FARP1: variants seen among roughly 807,000 people sequenced by gnomAD.
FARP1 encodes the protein FERM, ARH/RhoGEF and pleckstrin domain protein 1, also known as FERM, ARHGEF and pleckstrin domain-containing protein 1.
A neutral mutation model predicts 128.8 loss-of-function variants in FARP1; 52 were observed. That is an observed-to-expected ratio of 0.40 (90% CI 0.32 to 0.51). FARP1 has a LOEUF of 0.51. FARP1 is among the 20% of genes least tolerant of loss of function. The probability of loss-of-function intolerance (pLI) is 0.45; values close to 1 mark genes in which losing one functional copy is unlikely to be tolerated. For missense variants in FARP1, 1,333 were observed against 1,367.9 expected (o/e 0.97, Z 0.40); for synonymous variants, 580 against 551.8 (o/e 1.05, Z -0.72).
intron 2 of FARP1, among the ~76,000 whole-genome samples, chr13:98,229,653 G>T (rs1192510232): frequency 6.7e-6 from 1 of 149,366 alleles, no homozygotes; most frequent in Non-Finnish European, 1.5e-5. Context: ...CTCCACCAGC[G>T]AATTTTTAGA....
chr13:98,261,392 C>T (rs1431855291), intron 2 of FARP1, among the ~76,000 whole-genome samples: 6 of 152,226 alleles, frequency 3.9e-5, no homozygotes, highest in Admixed American at 6.5e-5. Context: ...TGTCCGTTCA[C>T]CTTGACCTCC....
In FARP1 at chr13:98,176,844, G is replaced by T; in HGVS notation, c.-24+33352G>T. 1 of 1,611,698 alleles carries T rather than the reference G, an allele frequency of 6.2e-7. No individual in the cohort carries two copies. Among genetic ancestry groups the T allele is most frequent in the Non-Finnish European group, 8.5e-7 (1 of 1,179,968 alleles). On this transcript the variant is annotated intron_variant, in intron 1 of 26. Coordinates refer to ENST00000319562, the MANE Select transcript of FARP1 (RefSeq NM_005766.4). The surrounding 1 kb of genome is among the most constrained non-coding windows in gnomAD (Gnocchi z 6.2). ...CCCGCAGTGCCTCCTGGACCCGCTGGCTGCACTTGAGGATGGTCGGCGTAT... is the reference window on the plus strand; with the variant it reads ...CCCGCAGTGCCTCCTGGACCCGCTGTCTGCACTTGAGGATGGTCGGCGTAT...
intron 1 of FARP1, among the ~76,000 whole-genome samples, chr13:98,210,753 G>A (rs561687213): frequency 3.5e-4 from 53 of 152,062 alleles, no homozygotes; most frequent in Non-Finnish European, 5.3e-4. Flanking sequence ...GTTTCACCAT[G>A]TTAGCCAGGA....
Position 98,452,332 on chromosome 13 carries a change from G to A in FARP1, c.*4015G>A, listed in dbSNP as rs1191142917. On this transcript the variant is annotated 3_prime_UTR_variant, in exon 27 of 27. Transcript: ENST00000319562. ...CAAATGTCAGACGAGAGCGCTTCAT[G>A]GGGAGAAACTGAAAATTATAATTTA... 6.6e-6 allele frequency: 1 copy of A among 152,524 alleles called. No individual in the cohort carries two copies. The highest frequency in any genetic ancestry group is 1.5e-5 in the Non-Finnish European group (1 of 68,012). 9.4% of individuals were successfully genotyped at this position (152,524 alleles called of 1,614,324 possible). A position where few individuals can be genotyped will look rare whatever the true frequency, so the allele number is the denominator to read the frequency against.
At chr13:98,156,699 C>T (rs568809576) in intron 1 of FARP1, among the ~76,000 whole-genome samples, 40 of 152,064 alleles carry the variant, frequency 2.6e-4, no homozygotes, top group African/African-American at 8.9e-4. Flanking sequence ...GTACCTGGCC[C>T]CCATTATAAT....
chr13:98,240,211 C>T (rs920203726), intron 2 of FARP1, among the ~76,000 whole-genome samples: 7 of 152,168 alleles, frequency 4.6e-5, no homozygotes, highest in Non-Finnish European at 7.3e-5. Flanking sequence ...TCAGGGTAGA[C>T]GCACGTTTTT....
intron 1 of FARP1, among the ~76,000 whole-genome samples, chr13:98,145,861 C>A (rs1244542276): frequency 1.8e-3 from 241 of 131,150 alleles, no homozygotes; most frequent in African/African-American, 3.4e-3. Context: ...GACTCTGTCT[C>A]AAAAAAAAAA....
chr13:98,442,319 G>C (rs1892557882), intron 24 of FARP1, among the ~76,000 whole-genome samples: 1 of 152,240 alleles, frequency 6.6e-6, no homozygotes, highest in Non-Finnish European at 1.5e-5. Context: ...TCTCGAGAGA[G>C]TCTCGGAATT....
chr13:98,252,138 G>T (rs144390332), intron 2 of FARP1, among the ~76,000 whole-genome samples: 1 of 152,106 alleles, frequency 6.6e-6, no homozygotes, highest in Admixed American at 6.5e-5. Context: ...GTGAGCCACC[G>T]TGCCCACCTA....
chr13:98,434,808 A>G (rs146923911), intron 18 of FARP1: 5,644 of 152,360 alleles, frequency 0.037, 135 homozygotes, highest in Non-Finnish European at 0.054. Flanking sequence ...CAGCCTAACC[A>G]ACATGGTGAA....
chr13:98,303,771 A>G (rs375529539), intron 2 of FARP1, among the ~76,000 whole-genome samples: 28 of 152,214 alleles, frequency 1.8e-4, no homozygotes, highest in African/African-American at 5.5e-4. Flanking sequence ...CAGGAGTGGA[A>G]TTCTATGGAA....
intron 3 of FARP1, among the ~76,000 whole-genome samples, chr13:98,347,332 T>C (rs1888223149): frequency 6.6e-6 from 1 of 152,214 alleles, no homozygotes; most frequent in Non-Finnish European, 1.5e-5. Flanking sequence ...GTTAACTACA[T>C]GTACTTTGTC....
At chr13:98,189,145 G>A (rs574487391) in intron 1 of FARP1, among the ~76,000 whole-genome samples, 2 of 152,300 alleles carry the variant, frequency 1.3e-5, no homozygotes, top group East Asian at 3.9e-4. Flanking sequence ...TCCTTAACAA[G>A]GAGGAAGAGC....
At chr13:98,323,897 A>G (rs979934310) in intron 2 of FARP1, among the ~76,000 whole-genome samples, 2 of 152,176 alleles carry the variant, frequency 1.3e-5, no homozygotes, top group East Asian at 1.9e-4. Flanking sequence ...TAAAGCCTAT[A>G]TGAGGAAGCT....
Position 98,448,224 on chromosome 13 carries a change from C to T in FARP1, c.3057-12C>T, listed in dbSNP as rs747238070. The T allele has an allele frequency of 6.2e-7, 1 of 1,611,558 alleles. No homozygotes were observed. Among genetic ancestry groups the T allele is most frequent in the Non-Finnish European group, 8.5e-7 (1 of 1,177,878 alleles). ...AACAAAAGGTTGACTAACTGGCGTT[C>T]CCGTGTTGCAGGTGGATGGAAGTGA... On this transcript the variant is annotated splice_polypyrimidine_tract_variant and intron_variant, in intron 26 of 26. Transcript: ENST00000319562.
At chr13:98,435,950 T>A in intron 19 of FARP1, 2 of 571,764 alleles carry the variant, frequency 3.5e-6, no homozygotes, top group Admixed American at 2.3e-5. Flanking sequence ...TTCGCTTCTT[T>A]ACCTTTTCCC....
intron 2 of FARP1, among the ~76,000 whole-genome samples, chr13:98,217,314 A>G (rs1282964840): frequency 6.6e-6 from 1 of 152,098 alleles, no homozygotes; most frequent in African/African-American, 2.4e-5. Flanking sequence ...ACAGGTGACA[A>G]AAAAGACACC....
chr13:98,193,845 C>T (rs1379373194), intron 1 of FARP1, among the ~76,000 whole-genome samples: 4 of 152,322 alleles, frequency 2.6e-5, no homozygotes, highest in Admixed American at 2.6e-4. Context: ...ATGAAGCCAT[C>T]TTAGCTTCTA....
intron 2 of FARP1, among the ~76,000 whole-genome samples, chr13:98,313,200 A>G (rs1273638068): frequency 6.8e-6 from 1 of 146,266 alleles, no homozygotes; most frequent in East Asian, 2.0e-4. Flanking sequence ...GTGGGTCATA[A>G]TACACACACA....
Sources: gnomAD v4.1 joint callset for allele counts (sites outside exome capture counted in the v4.1 genomes callset) on GRCh38, gnomAD v4.1.1 for gene constraint, Gnocchi (gnomAD v3.1) non-coding constraint, MANE v1.5 for transcripts, NCBI Gene and HGNC (gene_info 2026-07-23, HGNC 2026-07-21) for gene names.